The following DCBLD2 variants were observed in gnomAD, a reference collection of about 807,000 sequenced individuals.
The protein encoded by DCBLD2 is discoidin, CUB and LCCL domain-containing protein 2.
In DCBLD2, 54 loss-of-function variants were observed where a neutral mutation model predicts 86.8. That is an observed-to-expected ratio of 0.62 (90% confidence interval 0.50 to 0.78). The LOEUF (loss-of-function observed/expected upper bound fraction) is 0.78. Among genes scored for constraint, DCBLD2 ranks in the 30% least tolerant of loss-of-function variants. The pLI, the probability that DCBLD2 is intolerant of heterozygous loss-of-function variation, is 0.00. For synonymous variants in DCBLD2, 354 were observed against 341.3 expected (o/e 1.04, Z -0.41); for missense variants, 908 against 954.2 (o/e 0.95, Z 0.64).
chr3:98,851,764 AG>A (rs1942841203), intron 2 of DCBLD2, among the ~76,000 whole-genome samples: 2 of 152,232 alleles, frequency 1.3e-5, no homozygotes, highest in South Asian at 2.1e-4. Context: ...CAGAGGCTTC[AG>A]AAATAACACT....
At chr3:98,812,528 C>A in intron 9 of DCBLD2, 46 bp from the exon 10 acceptor site, 2 of 1,553,366 alleles carry the variant, frequency 1.3e-6, no homozygotes, top group South Asian at 2.3e-5. Flanking sequence ...CAATAGAGGT[C>A]AGGGCTAAAT....
intron 1 of DCBLD2, among the ~76,000 whole-genome samples, chr3:98,888,141 G>GT (rs1385006791): frequency 1.3e-5 from 2 of 151,862 alleles, no homozygotes; most frequent in Admixed American, 1.3e-4. Flanking sequence ...TTCCTCCATG[G>GT]TTTTTTGTGG....
At chr3:98,886,971 T>C (rs1429559592) in intron 1 of DCBLD2, among the ~76,000 whole-genome samples, 3 of 151,976 alleles carry the variant, frequency 2.0e-5, no homozygotes, top group Non-Finnish European at 4.4e-5. Flanking sequence ...GTGCTTGTGA[T>C]GCTGATTCCA....
chr3:98,830,012 C>G (rs1039899884), intron 3 of DCBLD2, among the ~76,000 whole-genome samples: 1 of 151,986 alleles, frequency 6.6e-6, no homozygotes, highest in African/African-American at 2.4e-5. Context: ...AGCTTTTTTT[C>G]TTATGCTTAT....
intron 2 of DCBLD2, among the ~76,000 whole-genome samples, chr3:98,867,231 C>T (rs1352208787): frequency 1.3e-5 from 2 of 152,122 alleles, no homozygotes; most frequent in Non-Finnish European, 2.9e-5. Flanking sequence ...TAGTTTTTTC[C>T]AATTCTGTGA....
chr3:98,800,855 T>C, intron 14 of DCBLD2, 139 bp from the exon 15 acceptor site: 1 of 653,954 alleles, frequency 1.5e-6, no homozygotes. Flanking sequence ...TAATCCAACT[T>C]TTTTTTTTTT....
chr3:98,900,700 G>A (rs541699809), intron 1 of DCBLD2: 1 of 196,192 alleles, frequency 5.1e-6, no homozygotes, highest in African/African-American at 2.4e-5. Context: ...TTTCACAAAG[G>A]ATCATAATTA....
At chr3:98,804,913 T>G (rs1161190721) in intron 13 of DCBLD2, 1 of 152,298 alleles carries the variant, frequency 6.6e-6, no homozygotes, top group East Asian at 1.9e-4. Context: ...GAGAGACAGT[T>G]TGTTATAATT....
At chr3:98,876,833 A>G (rs1449736402) in intron 2 of DCBLD2, among the ~76,000 whole-genome samples, 1 of 152,244 alleles carries the variant, frequency 6.6e-6, no homozygotes, top group African/African-American at 2.4e-5. Context: ...ACTGCTATAA[A>G]AAGAATGAGG....
rs112956587 is a variant in DCBLD2 at position 98,822,912 on chromosome 3, G to A, written c.624-171C>T. 6.1e-3 allele frequency among the ~76,000 whole-genome samples: 934 copies of A among 152,160 alleles called. 9 individuals are homozygous for A. The highest frequency in any genetic ancestry group is 0.021 in the African/African-American group (878 of 41,464). ...TTTGACACGGAGTTTCACTCTTGTC[G>A]CCCAGGCTGGAGTGCAATGGCACCT... On this transcript the variant is annotated intron_variant, in intron 4 of 15. Coordinates refer to ENST00000326840, the MANE Select transcript of DCBLD2 (RefSeq NM_080927.4).
rs147635126 is a variant in DCBLD2 at position 98,852,643 on chromosome 3, T to A, written c.434-3045A>T. Among the ~76,000 whole-genome samples, 111 of 152,340 alleles carry A rather than the reference T, an allele frequency of 7.3e-4. 3 individuals are homozygous for A. The East Asian group carries it at 0.019, about 26-fold the overall frequency. On this transcript the variant is annotated intron_variant, in intron 2 of 15. Transcript: ENST00000326840. ...AAACGGAGATTTTTCTGGGTAAGCCTGAACTAATCAGGTAGGCCCATTAAA... is the reference window on the plus strand; with the variant it reads ...AAACGGAGATTTTTCTGGGTAAGCCAGAACTAATCAGGTAGGCCCATTAAA...
chr3:98,866,655 T>C (rs1304273530), intron 2 of DCBLD2, among the ~76,000 whole-genome samples: 1 of 152,204 alleles, frequency 6.6e-6, no homozygotes, highest in East Asian at 1.9e-4. Context: ...ATTCTGTAGG[T>C]TGCCTGTTCA....
At chr3:98,870,810 A>AAAGAAAGGAAG (rs760385201) in intron 2 of DCBLD2, among the ~76,000 whole-genome samples, 2 of 131,580 alleles carry the variant, frequency 1.5e-5, no homozygotes, top group African/African-American at 5.8e-5. Context: ...AGAAAGAAAG[A>AAAGAAAGGAAG]AAGGTAGGCA....
intron 3 of DCBLD2, among the ~76,000 whole-genome samples, chr3:98,834,254 A>T (rs1942383936): frequency 2.0e-5 from 3 of 150,452 alleles, no homozygotes; most frequent in African/African-American, 7.3e-5. Context: ...CAAAGATCAA[A>T]TCAGTGTAAT....
At chr3:98,802,345 A>G (rs1941743726) in intron 13 of DCBLD2, among the ~76,000 whole-genome samples, 1 of 152,162 alleles carries the variant, frequency 6.6e-6, no homozygotes, top group African/African-American at 2.4e-5. Context: ...TTGGCTGCAT[A>G]AATGTCTTCT....
intron 13 of DCBLD2, among the ~76,000 whole-genome samples, chr3:98,803,262 A>G (rs1385729880): frequency 6.6e-6 from 1 of 152,170 alleles, no homozygotes; most frequent in Non-Finnish European, 1.5e-5. Flanking sequence ...GAGGTCCTTC[A>G]CATCCCTTGT....
In DCBLD2 at chr3:98,863,476, C is replaced by T. The variant is rs533717194; in HGVS notation, c.434-13878G>A. 3.9e-5 allele frequency among the ~76,000 whole-genome samples: 6 copies of T among 152,280 alleles called. No homozygotes were observed. In the South Asian group the frequency reaches 1.0e-3, roughly 26 times the overall value. ...GACTTCAAACTATACTACAAGGCTA[C>T]AGTAACCAAAACAGCATGGTACTGG... is the stretch of plus-strand genomic sequence containing the variant. On this transcript the variant is annotated intron_variant, in intron 2 of 15. Transcript: ENST00000326840.
intron 2 of DCBLD2, among the ~76,000 whole-genome samples, chr3:98,861,748 C>A (rs982707723): frequency 8.5e-5 from 13 of 152,108 alleles, no homozygotes; most frequent in Admixed American, 1.3e-4. Flanking sequence ...GAAATTTAAG[C>A]ACTAAATGCC....
intron 1 of DCBLD2, among the ~76,000 whole-genome samples, chr3:98,884,173 G>A (rs1943520894): frequency 6.6e-6 from 1 of 152,026 alleles, no homozygotes; most frequent in Admixed American, 6.6e-5. Flanking sequence ...TTAAAGGTCA[G>A]TACTAGAAAT....
Sources: allele counts gnomAD v4.1 joint callset (sites outside exome capture counted in the v4.1 genomes callset), GRCh38; gene constraint gnomAD v4.1.1; transcripts MANE v1.5; gene names NCBI Gene and HGNC (gene_info 2026-07-23, HGNC 2026-07-21).